RAB2A: variants seen among roughly 807,000 people sequenced by gnomAD.
The protein encoded by RAB2A is RAB2A, member RAS oncogene family, also known as ras-related protein Rab-2A.
Under a neutral mutation model 32.5 loss-of-function variants are expected in RAB2A, and 7 were observed. The ratio of observed to expected loss-of-function variants is 0.22; its 90% CI spans 0.12 to 0.40. The LOEUF (loss-of-function observed/expected upper bound fraction) is 0.40, where lower values mean the gene tolerates loss of function less well. Ranked by LOEUF, RAB2A falls within the 10% of genes least tolerant of loss-of-function variation. The pLI is 1.00. For synonymous variants in RAB2A, 79 were observed against 85.2 expected (o/e 0.93, Z 0.40); for missense variants, 108 against 260.7 (o/e 0.41, Z 4.03).
chr8:60,570,750 C>A (rs1282914153), intron 2 of RAB2A, among the ~76,000 whole-genome samples: 2 of 152,032 alleles, frequency 1.3e-5, no homozygotes, highest in African/African-American at 2.4e-5. Flanking sequence ...ATTCATTAGG[C>A]CTGTGGGATG....
chr8:60,604,073 C>T (rs953751346), intron 6 of RAB2A, among the ~76,000 whole-genome samples: 3 of 152,016 alleles, frequency 2.0e-5, no homozygotes, highest in South Asian at 2.1e-4. Flanking sequence ...AACACCATAC[C>T]GCTTGGTGCA....
At chr8:60,519,121 G>A (rs554821817) in intron 1 of RAB2A, among the ~76,000 whole-genome samples, 3 of 135,718 alleles carry the variant, frequency 2.2e-5, no homozygotes, top group African/African-American at 5.7e-5. Flanking sequence ...CTGCTGATAC[G>A]ACCTAGTTCA....
upstream of RAB2A, chr8:60,516,937 G>A (rs1009611061): frequency 2.0e-5 from 7 of 343,410 alleles, no homozygotes; most frequent in African/African-American, 1.3e-4. Context: ...GGCGGCCGCA[G>A]AACTTCCGGG....
chr8:60,553,970 A>G (rs1411342139), intron 1 of RAB2A, among the ~76,000 whole-genome samples: 2 of 152,180 alleles, frequency 1.3e-5, no homozygotes, highest in South Asian at 2.1e-4. Context: ...GCAAAAAGAT[A>G]TGATATCATT....
In RAB2A at chr8:60,618,582, AT is replaced by A; in HGVS notation, c.480del (p.Phe160LeufsTer60). Reference sequence around the variant, plus strand: ...GAACCAATTTCTCTATATTTCAGGCATTTATTAATACAGCAAAAGAAATTTA... The same window carrying A: ...GAACCAATTTCTCTATATTTCAGGCATTATTAATACAGCAAAAGAAATTTA... Reference protein sequence around the residue: ...AKTASNVEEAFINTAKEIYEK... With the variant: ...AKTASNVEEAXINTAKEIYEK... On this transcript the variant is annotated frameshift_variant, in exon 7 of 8. Transcript: ENST00000262646. LOFTEE classifies it high-confidence loss of function. 1 of 1,228,136 alleles carries A rather than the reference AT, an allele frequency of 8.1e-7. No individual in the cohort carries two copies. The highest frequency in any genetic ancestry group is 1.1e-6 in the Non-Finnish European group (1 of 917,304). 76.1% of individuals were successfully genotyped at this position (1,228,136 alleles called of 1,614,324 possible).
At chr8:60,537,470 G>T (rs748155084) in intron 1 of RAB2A, among the ~76,000 whole-genome samples, 2 of 152,028 alleles carry the variant, frequency 1.3e-5, no homozygotes, top group Non-Finnish European at 2.9e-5. Flanking sequence ...TAATCCACCC[G>T]CCTCGACCTT....
chr8:60,581,396 A>G (rs1240261025), intron 3 of RAB2A, among the ~76,000 whole-genome samples: 1 of 152,234 alleles, frequency 6.6e-6, no homozygotes, highest in Non-Finnish European at 1.5e-5. Flanking sequence ...GGACAAAGGG[A>G]TGATTCACAT....
intron 6 of RAB2A, among the ~76,000 whole-genome samples, chr8:60,608,909 TA>T (rs1288271678): frequency 6.6e-6 from 1 of 152,208 alleles, no homozygotes; most frequent in Non-Finnish European, 1.5e-5. Flanking sequence ...TTTCACCTGT[TA>T]TTGTTTCTGC....
At chr8:60,522,769 C>T (rs1807320442) in intron 1 of RAB2A, among the ~76,000 whole-genome samples, 1 of 152,002 alleles carries the variant, frequency 6.6e-6, no homozygotes, top group Non-Finnish European at 1.5e-5. Context: ...TTCTCAATAG[C>T]TCTAGAGAAA....
At chr8:60,587,807 C>G (rs1006830346) in intron 5 of RAB2A, among the ~76,000 whole-genome samples, 1 of 152,072 alleles carries the variant, frequency 6.6e-6, no homozygotes, top group Non-Finnish European at 1.5e-5. Flanking sequence ...AATGAAAAGA[C>G]AAGCTACAGA....
At chr8:60,565,633 C>G (rs1055431781) in intron 2 of RAB2A, among the ~76,000 whole-genome samples, 1 of 143,892 alleles carries the variant, frequency 6.9e-6, no homozygotes, top group Non-Finnish European at 1.5e-5. Flanking sequence ...TTTAAAAGAC[C>G]TCTCGAACTT....
intron 2 of RAB2A, among the ~76,000 whole-genome samples, chr8:60,570,687 C>G (rs1466062142): frequency 6.6e-6 from 1 of 152,150 alleles, no homozygotes; most frequent in Non-Finnish European, 1.5e-5. Context: ...TTTTCTCTAG[C>G]TTTCCTGTAT....
At chr8:60,603,697 G>C (rs1476797069) in intron 6 of RAB2A, among the ~76,000 whole-genome samples, 2 of 152,130 alleles carry the variant, frequency 1.3e-5, no homozygotes, top group Non-Finnish European at 2.9e-5. Context: ...TATTCACTTA[G>C]TAATAGGAGG....
intron 1 of RAB2A, among the ~76,000 whole-genome samples, chr8:60,543,854 C>T (rs188801163): frequency 7.2e-5 from 11 of 152,018 alleles, no homozygotes; most frequent in African/African-American, 1.4e-4. Flanking sequence ...GTCAGGAGTT[C>T]GGTTCAAGAC....
chr8:60,546,510 G>A (rs1807729490), intron 1 of RAB2A, among the ~76,000 whole-genome samples: 1 of 152,152 alleles, frequency 6.6e-6, no homozygotes, highest in Admixed American at 6.5e-5. Context: ...AAGGAATATA[G>A]TACTTCTCTA....
intron 6 of RAB2A, among the ~76,000 whole-genome samples, chr8:60,613,841 A>C (rs684573): frequency 0.24 from 36,755 of 152,068 alleles, 4,499 homozygotes; most frequent in Middle Eastern, 0.4. Flanking sequence ...CAAATGGATA[A>C]CTGTAATGTT....
rs188457398 is a variant in RAB2A at position 60,560,289 on chromosome 8, T to G, written c.118+1366T>G. Among the ~76,000 whole-genome samples, 10 of 152,262 alleles carry G rather than the reference T, an allele frequency of 6.6e-5. No homozygotes were observed. The East Asian group carries it at 1.7e-3, about 26-fold the overall frequency. On this transcript the variant is annotated intron_variant, in intron 2 of 7. Transcript: ENST00000262646. ...TTTTTGGTAGAGACAGTGTTTTGCC[T>G]TGTTGCCCAAGCTGGTTTCGCACTC...
rs765737905 is a variant in RAB2A at position 60,605,828 on chromosome 8, A to AAT, written c.475-12750_475-12749dup. Reference sequence around the variant, plus strand: ...TACAGGCTCATAGGCAAAAGGGACTAATACATATATACATATATATATATA... The same window carrying AAT: ...TACAGGCTCATAGGCAAAAGGGACTAATATACATATATACATATATATATATA... On this transcript the variant is annotated intron_variant, in intron 6 of 7. Coordinates refer to ENST00000262646, the MANE Select transcript of RAB2A (RefSeq NM_002865.3). 7.0e-3 allele frequency among the ~76,000 whole-genome samples: 796 copies of AAT among 113,952 alleles called. 23 individuals carry two copies. Among genetic ancestry groups the AAT allele is most frequent in the South Asian group, 0.065 (235 of 3,642 alleles). The allele number at this position is 113,952 out of a possible 152,430, so 74.8% of individuals were successfully genotyped here.
At chr8:60,519,648 G>A (rs541073410) in intron 1 of RAB2A, among the ~76,000 whole-genome samples, 1 of 152,244 alleles carries the variant, frequency 6.6e-6, no homozygotes, top group Admixed American at 6.5e-5. Context: ...ACTTGTATAG[G>A]CACCTCTATT....
Sources: allele counts gnomAD v4.1 joint callset (sites outside exome capture counted in the v4.1 genomes callset), GRCh38; gene constraint gnomAD v4.1.1; transcripts MANE v1.5; gene names NCBI Gene and HGNC (gene_info 2026-07-23, HGNC 2026-07-21).